Variants in LYPD1 observed in about 807,000 individuals in gnomAD.
LYPD1 encodes ly6/PLAUR domain-containing protein 1.
Under a neutral mutation model 14.2 loss-of-function variants are expected in LYPD1, and 14 were observed. That is an observed-to-expected ratio of 0.99 (90% CI 0.65 to 1.54). The LOEUF (loss-of-function observed/expected upper bound fraction) is 1.54. LYPD1 is among the 40% of genes most tolerant of loss of function. The pLI, the probability that LYPD1 is intolerant of heterozygous loss-of-function variation, is 0.00. For missense variants in LYPD1, 165 were observed against 175.7 expected, an observed-to-expected ratio of 0.94 and a Z score of 0.34; for synonymous variants, 85 against 70.6, an observed-to-expected ratio of 1.20 and a Z score of -1.02.
intron 2 of LYPD1, among the ~76,000 whole-genome samples, chr2:132,653,856 GA>G (rs1558877990): frequency 6.6e-6 from 1 of 152,180 alleles, no homozygotes; most frequent in Non-Finnish European, 1.5e-5. Context: ...CTGTTCATGA[GA>G]AAACAGCAGA....
chr2:132,669,797 G>A lies in LYPD1; in HGVS notation c.52+84C>T, dbSNP rs1339728715. The A allele has an allele frequency of 2.5e-6, 4 of 1,570,740 alleles. No homozygotes were observed. The highest frequency in any genetic ancestry group is 2.4e-5 in the East Asian group (1 of 41,306). On this transcript the variant is annotated intron_variant, in intron 1 of 2. Coordinates refer to ENST00000397463, the MANE Select transcript of LYPD1 (RefSeq NM_144586.7). This position sits in a 1 kb window ranked among gnomAD's most constrained non-coding sequence, Gnocchi z 4.3. The stretch of plus-strand genomic sequence containing the variant: ...GCCCCAGCGCAGGGCTGGCCCCGAG[G>A]TGGGCGCCTTGGGGGCAAAAGGGCT...
At chr2:132,661,043 T>C (rs74924853) in intron 2 of LYPD1, among the ~76,000 whole-genome samples, 1,726 of 152,288 alleles carry the variant, frequency 0.011, 28 homozygotes, top group African/African-American at 0.038. Flanking sequence ...TGCACCACAG[T>C]GTACTCCTCT....
At chr2:132,650,519 G>A (rs1682316964) in intron 2 of LYPD1, among the ~76,000 whole-genome samples, 1 of 152,050 alleles carries the variant, frequency 6.6e-6, no homozygotes, top group East Asian at 1.9e-4. Context: ...GGTTATTCAT[G>A]GTAGAGTAGA....
intron 2 of LYPD1, among the ~76,000 whole-genome samples, chr2:132,662,848 G>A (rs930613813): frequency 6.6e-6 from 1 of 152,200 alleles, no homozygotes; most frequent in African/African-American, 2.4e-5. Flanking sequence ...GGAGGAATTA[G>A]TGTTATGGGA....
In LYPD1 at chr2:132,655,803, C is replaced by T. The variant is rs561065979; in HGVS notation, c.191-9523G>A. Among the ~76,000 whole-genome samples the T allele has an allele frequency of 1.8e-3, 271 of 152,232 alleles. 2 individuals are homozygous for T. The highest frequency in any genetic ancestry group is 2.8e-3 in the Non-Finnish European group (191 of 68,016). ...TGCTGGGATTACAGGCGTGAGCCAC[C>T]GCACCTGGCCAAGAAGCATTTTCTA... On this transcript the variant is annotated intron_variant, in intron 2 of 2. Coordinates refer to ENST00000397463, the MANE Select transcript of LYPD1 (RefSeq NM_144586.7).
chr2:132,657,026 C>A (rs940712155), intron 2 of LYPD1, among the ~76,000 whole-genome samples: 13 of 152,142 alleles, frequency 8.5e-5, no homozygotes. Context: ...CAAGATAACC[C>A]AAGAACACAT....
chr2:132,661,088 C>T (rs1197963808), intron 2 of LYPD1, among the ~76,000 whole-genome samples: 4 of 152,146 alleles, frequency 2.6e-5, no homozygotes, highest in Non-Finnish European at 4.4e-5. Context: ...AGAATAGGGT[C>T]TCTTCTAGCC....
chr2:132,668,295 G>T, intron 2 of LYPD1, 105 bp downstream of exon 2: 1 of 1,354,776 alleles, frequency 7.4e-7, no homozygotes, highest in Non-Finnish European at 9.9e-7. Flanking sequence ...CCAGTGTGTG[G>T]GCATTAAATC....
rs1400144114 is a variant in LYPD1 at position 132,645,385 on chromosome 2, A to G, written c.*660T>C. 3 of 1,613,464 alleles carry G rather than the reference A, an allele frequency of 1.9e-6. No homozygotes were observed. The East Asian group carries it at 6.7e-5, about 36-fold the overall frequency. Reference sequence around the variant, plus strand: ...GCGCCTGCGCGTACATGCGCACTCCACCACCGACAGCGCCCGCTTTGTGCA... The same window carrying G: ...GCGCCTGCGCGTACATGCGCACTCCGCCACCGACAGCGCCCGCTTTGTGCA... On this transcript the variant is annotated 3_prime_UTR_variant, in exon 3 of 3. Coordinates refer to ENST00000397463, the MANE Select transcript of LYPD1 (RefSeq NM_144586.7).
At chr2:132,657,146 T>C (rs999195472) in intron 2 of LYPD1, among the ~76,000 whole-genome samples, 2 of 152,230 alleles carry the variant, frequency 1.3e-5, no homozygotes, top group African/African-American at 4.8e-5. Flanking sequence ...ACCACTGATG[T>C]CAACTTAATT....
At position 132,669,883 on chromosome 2, in the gene LYPD1, G is replaced by C; in HGVS notation, c.50C>G (p.Pro17Arg). Residue 17 changes from proline (P) to arginine (R), a missense_variant and splice_region_variant, in exon 1 of 3, where the codon CCA becomes CGA. Transcript: ENST00000397463. This position sits in a 1 kb window ranked among gnomAD's most constrained non-coding sequence, Gnocchi z 4.3. ...AATFCGLFLL[P>R]GFALQIQCYQ... ...TGCTGGCCTCTGGGTATTCTCACCT[G>C]GAAGCAAGAACAATCCGCAAAAAGT... is the stretch of plus-strand genomic sequence containing the variant. The C allele has an allele frequency of 6.2e-7, 1 of 1,612,782 alleles. No individual in the cohort carries two copies. Among genetic ancestry groups the C allele is most frequent in the African/African-American group, 1.3e-5 (1 of 74,878 alleles).
rs542741375 is a variant in LYPD1, at chr2:132,648,716, G to A, written c.191-2436C>T. 4.6e-5 allele frequency among the ~76,000 whole-genome samples: 7 copies of A among 152,290 alleles called. No homozygotes were observed. In the East Asian group the frequency reaches 9.6e-4, roughly 21 times the overall value. ...ATTTATCTTCATAAGGAAAGTTGGGGAGAGGTACAAGCTCTCAAGTTGGTG... is the reference window on the plus strand; with the variant it reads ...ATTTATCTTCATAAGGAAAGTTGGGAAGAGGTACAAGCTCTCAAGTTGGTG... On this transcript the variant is annotated intron_variant, in intron 2 of 2. Coordinates refer to ENST00000397463, the MANE Select transcript of LYPD1 (RefSeq NM_144586.7).
chr2:132,669,066 G>A lies in LYPD1; in HGVS notation c.53-529C>T, dbSNP rs1347061712. Among the ~76,000 whole-genome samples, 3 of 152,208 alleles carry A rather than the reference G, an allele frequency of 2.0e-5. No individual in the cohort carries two copies. Among genetic ancestry groups the A allele is most frequent in the African/African-American group, 7.2e-5 (3 of 41,464 alleles). Reference sequence around the variant, plus strand: ...GAGCGACCACCTGGGAACAACTTGGGTGGAGGTGCCAGACGCCAAGCGCTG... The same window carrying A: ...GAGCGACCACCTGGGAACAACTTGGATGGAGGTGCCAGACGCCAAGCGCTG... On this transcript the variant is annotated intron_variant, in intron 1 of 2. Coordinates refer to ENST00000397463, the MANE Select transcript of LYPD1 (RefSeq NM_144586.7). This position sits in a 1 kb window ranked among gnomAD's most constrained non-coding sequence, Gnocchi z 4.3.
intron 2 of LYPD1, among the ~76,000 whole-genome samples, chr2:132,648,933 G>A (rs1207621546): frequency 6.6e-6 from 1 of 152,198 alleles, no homozygotes; most frequent in Non-Finnish European, 1.5e-5. Flanking sequence ...GAGGCTCAGG[G>A]TAGCTGTGGG....
At chr2:132,658,325 A>G (rs1280722383) in intron 2 of LYPD1, among the ~76,000 whole-genome samples, 3 of 152,226 alleles carry the variant, frequency 2.0e-5, no homozygotes, top group Admixed American at 6.5e-5. Context: ...CTTGCAGCCA[A>G]AAACATTCTT....
rs763255121 is a variant in LYPD1, at chr2:132,668,541, C to T, written c.53-4G>A. ...CACTGGATTTGCAGCGCAAAGCCTG[C>T]GAGACAGACGCAGTCGGGTTCAGAT... On this transcript the variant is annotated splice_region_variant and splice_polypyrimidine_tract_variant and intron_variant, in intron 1 of 2. Transcript: ENST00000397463. 1.5e-5 allele frequency: 24 copies of T among 1,611,028 alleles called. No homozygotes were observed. The highest frequency in any genetic ancestry group is 3.3e-5 in the South Asian group (3 of 90,530).
At chr2:132,652,216 T>A (rs897282028) in intron 2 of LYPD1, among the ~76,000 whole-genome samples, 2 of 152,210 alleles carry the variant, frequency 1.3e-5, no homozygotes, top group African/African-American at 4.8e-5. Flanking sequence ...TTTACTAGTG[T>A]GTCTTTATTA....
Position 132,655,545 on chromosome 2 carries a change from C to T in LYPD1, c.191-9265G>A, listed in dbSNP as rs1464160658. Among the ~76,000 whole-genome samples the T allele has an allele frequency of 1.3e-3, 108 of 83,808 alleles. 1 individual carries two copies. The highest frequency in any genetic ancestry group is 3.3e-3 in the Admixed American group (22 of 6,612). 55.0% of individuals were successfully genotyped at this position (83,808 alleles called of 152,430 possible). A position where few individuals can be genotyped will look rare whatever the true frequency, so the allele number is the denominator to read the frequency against. On this transcript the variant is annotated intron_variant, in intron 2 of 2. Transcript: ENST00000397463. ...TTTTTTTTTTTTTGAGATGGAGTCT[C>T]GCTCTGTCGCCCAGGCTGGAGTGCA...
chr2:132,662,289 C>T (rs1392249142), intron 2 of LYPD1, among the ~76,000 whole-genome samples: 1 of 152,164 alleles, frequency 6.6e-6, no homozygotes, highest in Non-Finnish European at 1.5e-5. Context: ...GTTATACTGA[C>T]CGCATTTCTC....
Sources: allele counts gnomAD v4.1 joint callset (sites outside exome capture counted in the v4.1 genomes callset), GRCh38; gene constraint gnomAD v4.1.1; non-coding constraint Gnocchi (gnomAD v3.1); transcripts MANE v1.5; gene names NCBI Gene and HGNC (gene_info 2026-07-23, HGNC 2026-07-21).